TRAPPC9: variants seen among roughly 807,000 people sequenced by gnomAD.
The protein encoded by TRAPPC9 is trafficking protein particle complex subunit 9.
TRAPPC9 carries 83 observed loss-of-function variants against 124.0 expected under a neutral mutation model. The observed-to-expected ratio is 0.67, with a 90% confidence interval of 0.56 to 0.80. The LOEUF is 0.80. Ranked by LOEUF, TRAPPC9 falls within the 30% of genes least tolerant of loss-of-function variation. The pLI, the probability that TRAPPC9 is intolerant of heterozygous loss-of-function variation, is 0.00. For synonymous variants in TRAPPC9, 638 were observed against 617.5 expected (o/e 1.03, Z -0.49); for missense variants, 1,302 against 1,508.3 (o/e 0.86, Z 2.27).
intron 18 of TRAPPC9, among the ~76,000 whole-genome samples, chr8:139,996,637 TTAAA>T (rs763652027): frequency 3.4e-4 from 51 of 152,238 alleles, no homozygotes; most frequent in Admixed American, 7.2e-4. Context: ...CATGCCATTT[TTAAA>T]TAAATAATGG....
intron 7 of TRAPPC9, among the ~76,000 whole-genome samples, chr8:140,371,527 C>T (rs2068281501): frequency 6.6e-6 from 1 of 152,228 alleles, no homozygotes; most frequent in African/African-American, 2.4e-5. Flanking sequence ...GGTCTCTCAT[C>T]AAACACAAAA....
In TRAPPC9 at chr8:140,451,260, A is replaced by T. The variant is rs373945940; in HGVS notation, c.114T>A (p.Ile38=). The change falls in exon 2 of 23, where the codon ATT becomes ATA. Residue 38 remains isoleucine, a synonymous_variant. Coordinates refer to ENST00000438773, the MANE Select transcript of TRAPPC9 (RefSeq NM_001160372.4). The part of the protein sequence containing the change: ...EENFFRIYKR[I]CSVSQISVRD... ...GCACGCTGATCTGACTCACAGAGCAAATCCTCTTATAGATCCTGAAGAAGT... is the reference window on the plus strand; with the variant it reads ...GCACGCTGATCTGACTCACAGAGCATATCCTCTTATAGATCCTGAAGAAGT... The T allele has an allele frequency of 7.1e-5, 114 of 1,613,304 alleles. No individual in the cohort carries two copies. Among genetic ancestry groups the T allele is most frequent in the Non-Finnish European group, 8.9e-5 (105 of 1,180,042 alleles).
intron 14 of TRAPPC9, among the ~76,000 whole-genome samples, chr8:140,280,968 T>C (rs1193438229): frequency 1.3e-5 from 2 of 152,224 alleles, no homozygotes; most frequent in Non-Finnish European, 1.5e-5. Flanking sequence ...GGGGCACGTG[T>C]CCCTTCGTCC....
chr8:140,349,122 G>A (rs1450628904), intron 9 of TRAPPC9, among the ~76,000 whole-genome samples: 130 of 134,256 alleles, frequency 9.7e-4, no homozygotes, highest in African/African-American at 3.3e-3. Flanking sequence ...TGAAGACGGC[G>A]CACGAGGGAA....
At chr8:139,948,248 A>AAC (rs141771160) in intron 19 of TRAPPC9, among the ~76,000 whole-genome samples, 2,712 of 144,648 alleles carry the variant, frequency 0.019, 41 homozygotes, top group African/African-American at 0.037. Flanking sequence ...TGGTTCATAA[A>AAC]ACACACACAC....
In TRAPPC9 at chr8:139,923,431, C is replaced by T. The variant is rs533458449; in HGVS notation, c.2811-13131G>A. ...TGGGAGCTGCACGGGCCTCTGCGGC[C>T]GGCATTGCTCGCATTGGTGTCCCCA... On this transcript the variant is annotated intron_variant, in intron 19 of 22. Coordinates refer to ENST00000438773, the MANE Select transcript of TRAPPC9 (RefSeq NM_001160372.4). Among the ~76,000 whole-genome samples the T allele has an allele frequency of 6.6e-5, 10 of 152,304 alleles. No individual in the cohort carries two copies. The East Asian group carries it at 1.2e-3, about 18-fold the overall frequency.
intron 6 of TRAPPC9, chr8:140,405,192 GA>G (rs1240369663): frequency 6.0e-6 from 1 of 165,364 alleles, no homozygotes; most frequent in African/African-American, 2.4e-5. Flanking sequence ...TTATGCCTTG[GA>G]AGATTTCAAC....
intron 21 of TRAPPC9, among the ~76,000 whole-genome samples, chr8:139,830,732 C>T (rs967909434): frequency 9.2e-5 from 14 of 152,340 alleles, no homozygotes; most frequent in African/African-American, 3.4e-4. Context: ...CACAGACACA[C>T]ACCTCTAGAA....
intron 21 of TRAPPC9, among the ~76,000 whole-genome samples, chr8:139,767,561 G>A (rs1820665109): frequency 6.6e-6 from 1 of 152,204 alleles, no homozygotes; most frequent in South Asian, 2.1e-4. Flanking sequence ...GGAAGGGGGA[G>A]GGAGAGAAGA....
At chr8:140,370,481 T>C (rs1473340636) in intron 8 of TRAPPC9, among the ~76,000 whole-genome samples, 1 of 152,230 alleles carries the variant, frequency 6.6e-6, no homozygotes, top group Non-Finnish European at 1.5e-5. Flanking sequence ...CTTTGTCTAA[T>C]ACTGGGCATT....
At chr8:140,408,094 G>A (rs2069559572) in intron 5 of TRAPPC9, among the ~76,000 whole-genome samples, 1 of 152,174 alleles carries the variant, frequency 6.6e-6, no homozygotes, top group Admixed American at 6.5e-5. Context: ...ACACTAGTAA[G>A]CCATAGATTT....
intron 18 of TRAPPC9, among the ~76,000 whole-genome samples, chr8:140,014,980 A>T (rs75258568): frequency 0.01 from 1,540 of 152,372 alleles, 27 homozygotes; most frequent in African/African-American, 0.035. Context: ...GAAAAACTGC[A>T]GAAATTATCA....
intron 15 of TRAPPC9, among the ~76,000 whole-genome samples, chr8:140,269,008 G>C (rs1328400296): frequency 6.6e-6 from 1 of 152,120 alleles, no homozygotes; most frequent in Non-Finnish European, 1.5e-5. Flanking sequence ...GATTGGCTGG[G>C]AAGGAACATG....
chr8:140,122,046 T>C (rs1446428154), intron 17 of TRAPPC9, among the ~76,000 whole-genome samples: 2 of 150,902 alleles, frequency 1.3e-5, no homozygotes, highest in East Asian at 3.9e-4. Flanking sequence ...TCTCTCTCTC[T>C]CTCTCCCTTT....
At chr8:140,413,990 T>C (rs1437104379) in intron 5 of TRAPPC9, among the ~76,000 whole-genome samples, 1 of 152,110 alleles carries the variant, frequency 6.6e-6, no homozygotes, top group Non-Finnish European at 1.5e-5. Flanking sequence ...TGTGTCTTTA[T>C]AGCAGCATGA....
chr8:140,243,796 A>G (rs558575987), intron 16 of TRAPPC9, among the ~76,000 whole-genome samples: 1 of 152,364 alleles, frequency 6.6e-6, no homozygotes, highest in African/African-American at 2.4e-5. Flanking sequence ...GCAAACCAGA[A>G]GTTTATAGGT....
intron 22 of TRAPPC9, 43 bp from the exon 23 acceptor site, chr8:139,731,271 G>T (rs1333300206): frequency 1.2e-6 from 2 of 1,606,774 alleles, no homozygotes; most frequent in African/African-American, 1.3e-5. Context: ...GTCAGCAGCA[G>T]GGGCCACCCA....
At chr8:140,303,337 G>A (rs751866191) in intron 10 of TRAPPC9, among the ~76,000 whole-genome samples, 3 of 152,228 alleles carry the variant, frequency 2.0e-5, no homozygotes, top group Non-Finnish European at 1.5e-5. Context: ...CTGGTTAACT[G>A]GAAATGGCAC....
At chr8:140,178,984 T>C (rs898938957) in intron 17 of TRAPPC9, among the ~76,000 whole-genome samples, 3 of 152,154 alleles carry the variant, frequency 2.0e-5, no homozygotes, top group South Asian at 2.1e-4. Context: ...ATTGATATGT[T>C]ATGTCTTCTT....
Sources: allele counts gnomAD v4.1 joint callset (sites outside exome capture counted in the v4.1 genomes callset), GRCh38; gene constraint gnomAD v4.1.1; transcripts MANE v1.5; gene names NCBI Gene and HGNC (gene_info 2026-07-23, HGNC 2026-07-21).